PTK2: variants seen among roughly 807,000 people sequenced by gnomAD.
PTK2 encodes the protein protein tyrosine kinase 2.
A neutral mutation model predicts 150.1 loss-of-function variants in PTK2; 45 were observed. The ratio of observed to expected loss-of-function variants is 0.30; its 90% CI spans 0.24 to 0.38. PTK2 has a LOEUF of 0.38. Among genes scored for constraint, PTK2 ranks in the 10% least tolerant of loss-of-function variants. The probability of loss-of-function intolerance (pLI) is 1.00; values close to 1 mark genes in which losing one functional copy is unlikely to be tolerated. For missense variants in PTK2, 919 were observed against 1,307.3 expected, an observed-to-expected ratio of 0.70 and a Z score of 4.58; for synonymous variants, 432 against 449.2, an observed-to-expected ratio of 0.96 and a Z score of 0.48.
intron 26 of PTK2, among the ~76,000 whole-genome samples, chr8:140,696,338 GAGAA>G (rs2100026569): frequency 1.3e-5 from 2 of 152,204 alleles, no homozygotes; most frequent in South Asian, 2.1e-4. Flanking sequence ...CGTTTTATTA[GAGAA>G]AGAGAGTGAG....
At chr8:140,678,646 T>C (rs927740800) in intron 27 of PTK2, among the ~76,000 whole-genome samples, 3 of 152,130 alleles carry the variant, frequency 2.0e-5, no homozygotes, top group African/African-American at 7.2e-5. Flanking sequence ...GAGCCACTAC[T>C]CCAGACCAAA....
intron 4 of PTK2, among the ~76,000 whole-genome samples, chr8:140,878,333 C>T (rs2100146899): frequency 6.6e-6 from 1 of 152,162 alleles, no homozygotes. Flanking sequence ...GGCATGGTGG[C>T]TCACACCTGT....
chr8:140,715,155 GTTTTTTTTTTTTT>G lies in PTK2; in HGVS notation c.2142+2430_2142+2442del, dbSNP rs67306225. Among the ~76,000 whole-genome samples, 40 of 56,000 alleles carry G rather than the reference GTTTTTTTTTTTTT, an allele frequency of 7.1e-4. No individual in the cohort carries two copies. In the East Asian group the frequency reaches 8.6e-3, roughly 12 times the overall value. 36.7% of individuals were successfully genotyped at this position (56,000 alleles called of 152,430 possible). ...AGATGATTTTCTAGCCATTAAAACC[GTTTTTTTTTTTTT>G]TTTTTTTTTTTTTTTTTTTTTTTTG... On this transcript the variant is annotated intron_variant, in intron 23 of 31. Coordinates refer to ENST00000522684, the Ensembl canonical transcript of PTK2.
At chr8:140,930,635 A>T (rs1177395966) in intron 1 of PTK2, among the ~76,000 whole-genome samples, 1 of 152,186 alleles carries the variant, frequency 6.6e-6, no homozygotes, top group African/African-American at 2.4e-5. Flanking sequence ...TTTTAGACTC[A>T]TGTATTATTT....
intron 5 of PTK2, among the ~76,000 whole-genome samples, chr8:140,861,284 G>C (rs772589017): frequency 2.9e-4 from 44 of 152,190 alleles, no homozygotes; most frequent in Non-Finnish European, 5.1e-4. Context: ...AGAAGTTCAA[G>C]GCTGCAGTGA....
intron 1 of PTK2, among the ~76,000 whole-genome samples, chr8:140,982,232 C>A (rs2100191695): frequency 6.6e-6 from 1 of 152,228 alleles, no homozygotes; most frequent in Non-Finnish European, 1.5e-5. Flanking sequence ...AGAGTCCCCA[C>A]CGCCTTGCTT....
chr8:140,735,151 A>C (rs2100051847), intron 22 of PTK2, 100 bp downstream of exon 25: 1 of 1,139,278 alleles, frequency 8.8e-7, no homozygotes, highest in Admixed American at 2.1e-5. Context: ...GTTCGGCCTT[A>C]GACATACTGA....
chr8:141,001,583 G>T (rs1443899078), upstream of PTK2, among the ~76,000 whole-genome samples: 2 of 152,134 alleles, frequency 1.3e-5, no homozygotes, highest in Non-Finnish European at 2.9e-5. Context: ...ACATCCTGGG[G>T]TCCCACCTGC....
At chr8:140,962,595 G>A (rs2100183715) in intron 1 of PTK2, among the ~76,000 whole-genome samples, 1 of 136,924 alleles carries the variant, frequency 7.3e-6, no homozygotes. Flanking sequence ...TGAGGAGATC[G>A]AGACCATCCT....
intron 3 of PTK2, among the ~76,000 whole-genome samples, chr8:140,881,217 T>A (rs2100148859): frequency 6.6e-6 from 1 of 152,206 alleles, no homozygotes; most frequent in Admixed American, 6.5e-5. Context: ...GTACCCTACC[T>A]ACACAAGGAT....
At chr8:140,786,825 G>A (rs551902347) in intron 14 of PTK2, among the ~76,000 whole-genome samples, 9 of 152,152 alleles carry the variant, frequency 5.9e-5, no homozygotes, top group South Asian at 2.1e-4. Flanking sequence ...ATATATTGAA[G>A]TATCACTAAC....
At chr8:140,864,507 G>A in intron 4 of PTK2, 108 bp from the exon 5 acceptor site, 1 of 535,982 alleles carries the variant, frequency 1.9e-6, no homozygotes, top group Non-Finnish European at 3.2e-6. Context: ...TCTGAAAGAT[G>A]ATTTCAAATA....
intron 1 of PTK2, among the ~76,000 whole-genome samples, chr8:140,926,782 T>C (rs956715018): frequency 6.6e-6 from 1 of 152,224 alleles, no homozygotes; most frequent in Non-Finnish European, 1.5e-5. Flanking sequence ...TTTCTGCCAA[T>C]TGGATAAGAC....
exon 14 of PTK2, chr8:140,789,522 C>A: frequency 6.2e-7 from 1 of 1,612,742 alleles, no homozygotes; most frequent in Non-Finnish European, 8.5e-7. Context: ...TCGCTGTTGG[C>A]CAACCTGTGA....
At chr8:140,770,165 T>C (rs2100074713) in intron 14 of PTK2, among the ~76,000 whole-genome samples, 1 of 152,238 alleles carries the variant, frequency 6.6e-6, no homozygotes, top group African/African-American at 2.4e-5. Flanking sequence ...CCATTTAAGT[T>C]TGCACAGAAT....
chr8:140,686,408 T>TA lies in PTK2; in HGVS notation c.2562+223dup, dbSNP rs34011420. On this transcript the variant is annotated intron_variant, in intron 27 of 31. Coordinates refer to ENST00000522684, the Ensembl canonical transcript of PTK2. Reference sequence around the variant, plus strand: ...GTACCCCTGAAACTAAAATAAAAGTTAAAAAAAAAAGCCTTTATCAATAAT... The same window carrying TA: ...GTACCCCTGAAACTAAAATAAAAGTTAAAAAAAAAAAGCCTTTATCAATAAT... Among the ~76,000 whole-genome samples, 592 of 149,242 alleles carry TA rather than the reference T, an allele frequency of 4.0e-3. 7 individuals carry two copies. The highest frequency in any genetic ancestry group is 0.014 in the Middle Eastern group (4 of 292).
intron 23 of PTK2, among the ~76,000 whole-genome samples, chr8:140,714,038 G>A (rs940062000): frequency 2.6e-5 from 4 of 151,924 alleles, no homozygotes; most frequent in Non-Finnish European, 5.9e-5. Context: ...ACAGGCACAC[G>A]CCACTAAATT....
At chr8:140,874,011 T>C (rs952482514) in intron 4 of PTK2, among the ~76,000 whole-genome samples, 65 of 152,200 alleles carry the variant, frequency 4.3e-4, no homozygotes, top group African/African-American at 1.5e-3. Context: ...ACTAAACTTA[T>C]TTTTTTACAG....
intron 23 of PTK2, 81 bp from the exon 27 acceptor site, chr8:140,706,286 T>C (rs2100033757): frequency 9.8e-6 from 10 of 1,019,446 alleles, no homozygotes; most frequent in Non-Finnish European, 1.2e-5. Context: ...AAAGACATTT[T>C]CCTAATAGAG....
Sources: allele counts gnomAD v4.1 joint callset (sites outside exome capture counted in the v4.1 genomes callset), GRCh38; gene constraint gnomAD v4.1.1; transcripts MANE v1.5; gene names NCBI Gene and HGNC (gene_info 2026-07-23, HGNC 2026-07-21).